The following WNT7B variants were observed in gnomAD, a reference collection of about 807,000 sequenced individuals.
WNT7B encodes the protein protein Wnt-7b.
Under a neutral mutation model 38.2 loss-of-function variants are expected in WNT7B, and 19 were observed. The ratio of observed to expected loss-of-function variants is 0.50; its 90% confidence interval spans 0.35 to 0.73. WNT7B has a LOEUF of 0.73. Among genes scored for constraint, WNT7B ranks in the 30% least tolerant of loss-of-function variants. The pLI is 0.01. For missense variants in WNT7B, 423 were observed against 507.9 expected (o/e 0.83, Z 1.61); for synonymous variants, 243 against 209.3 (o/e 1.16, Z -1.39).
At chr22:45,971,493 C>A (rs1229254125) in intron 1 of WNT7B, among the ~76,000 whole-genome samples, 1 of 152,184 alleles carries the variant, frequency 6.6e-6, no homozygotes, top group African/African-American at 2.4e-5. Context: ...GGCACACACA[C>A]GCGCGCCCAC....
chr22:45,967,470 G>A (rs1932338263), intron 1 of WNT7B, among the ~76,000 whole-genome samples: 1 of 28,134 alleles, frequency 3.6e-5, no homozygotes, highest in Non-Finnish European at 7.4e-5. Context: ...CACTGCATGT[G>A]GCCCCTTCCA....
intron 3 of WNT7B, among the ~76,000 whole-genome samples, chr22:45,930,800 T>A (rs1287119524): frequency 6.6e-6 from 1 of 151,474 alleles, no homozygotes; most frequent in Non-Finnish European, 1.5e-5. Flanking sequence ...CGCCACGGGG[T>A]CCCCAGCCAA....
chr22:45,925,412 G>A, intron 3 of WNT7B: 2 of 985,374 alleles, frequency 2.0e-6, no homozygotes, highest in Non-Finnish European at 2.4e-6. Flanking sequence ...TCCCTCCCAG[G>A]ATGGCAGAGG....
At chr22:45,926,633 G>A (rs113533954) in intron 3 of WNT7B, 40 of 985,338 alleles carry the variant, frequency 4.1e-5, no homozygotes, top group East Asian at 1.1e-4. Context: ...CATGGCCTGC[G>A]GCTGTGGAAT....
rs531140662 is a variant in WNT7B at position 45,935,946 on chromosome 22, C to CG, written c.299-4578dup. The CG allele has an allele frequency of 1.2e-4, 116 of 985,282 alleles. 2 individuals carry two copies. The South Asian group carries it at 3.8e-3, about 32-fold the overall frequency. 61.0% of individuals were successfully genotyped at this position (985,282 alleles called of 1,614,324 possible). A position where few individuals can be genotyped will look rare whatever the true frequency, so the allele number is the denominator to read the frequency against. ...CTGTCCTGCTGGTACACTTGGGTCT[C>CG]GGGGGGCCTAGGGGCCTCTCTGAAG... is the stretch of plus-strand genomic sequence containing the variant. On this transcript the variant is annotated intron_variant, in intron 2 of 3. Coordinates refer to ENST00000339464, the MANE Select transcript of WNT7B (RefSeq NM_058238.3).
chr22:45,927,001 G>A, intron 3 of WNT7B: 1 of 985,456 alleles, frequency 1.0e-6, no homozygotes, highest in Admixed American at 6.1e-5. Context: ...TCCAGGAGCT[G>A]GTGGAACTCC....
In WNT7B at chr22:45,934,191, G is replaced by A. The variant is rs141944794; in HGVS notation, c.299-2822C>T. On this transcript the variant is annotated intron_variant, in intron 2 of 3. Transcript: ENST00000339464. The stretch of plus-strand genomic sequence containing the variant: ...TTCAAACCCAGGGAATGAATTCAAA[G>A]ACCAGGAAGGCTGACGGAGGAGCAA... Among the ~76,000 whole-genome samples, 638 of 152,334 alleles carry A rather than the reference G, an allele frequency of 4.2e-3. 4 individuals are homozygous for A. The highest frequency in any genetic ancestry group is 3.9e-3 in the Non-Finnish European group (265 of 68,024).
intron 2 of WNT7B, among the ~76,000 whole-genome samples, chr22:45,946,657 T>A (rs1931804032): frequency 6.6e-6 from 1 of 152,138 alleles, no homozygotes; most frequent in Non-Finnish European, 1.5e-5. Flanking sequence ...GGGGGCCTAG[T>A]GTGAGCCTTG....
At chr22:45,952,507 A>T (rs1931957251) in intron 1 of WNT7B, among the ~76,000 whole-genome samples, 2 of 152,344 alleles carry the variant, frequency 1.3e-5, no homozygotes, top group Non-Finnish European at 2.9e-5. Flanking sequence ...GCCCAAAGTA[A>T]TTGTAGATCC....
chr22:45,935,171 C>CA (rs1355795888), intron 2 of WNT7B, among the ~76,000 whole-genome samples: 2 of 152,218 alleles, frequency 1.3e-5, no homozygotes, highest in East Asian at 3.9e-4. Context: ...ATCCTTCCTC[C>CA]AGGCTGACAG....
chr22:45,950,193 C>A (rs1405595750), intron 1 of WNT7B, 47 bp from the exon 2 acceptor site: 2 of 1,499,016 alleles, frequency 1.3e-6, no homozygotes, highest in Non-Finnish European at 1.8e-6. Context: ...GCGGCCAGCG[C>A]CCCTCCTCAC....
At chr22:45,954,835 C>A in intron 1 of WNT7B, 6 of 856,786 alleles carry the variant, frequency 7.0e-6, no homozygotes, top group Non-Finnish European at 7.0e-6. Context: ...TCAGACCTCA[C>A]CTATGTATCA....
intron 3 of WNT7B, among the ~76,000 whole-genome samples, chr22:45,929,461 C>G (rs1486565441): frequency 1.5e-5 from 2 of 131,182 alleles, no homozygotes; most frequent in Admixed American, 1.6e-4. Flanking sequence ...TTGATTCGTC[C>G]ATCTACTTAT....
rs906101258 is a variant in WNT7B, at chr22:45,951,716, C to T, written c.72-1570G>A. The stretch of plus-strand genomic sequence containing the variant: ...TCATCCACGTGGTCACAGGTCAGTG[C>T]TTCATGCGTTTGTAAGGCTGAGTGA... On this transcript the variant is annotated intron_variant, in intron 1 of 3. Coordinates refer to ENST00000339464, the MANE Select transcript of WNT7B (RefSeq NM_058238.3). The surrounding 1 kb of genome is among the most constrained non-coding windows in gnomAD (Gnocchi z 4.8). Among the ~76,000 whole-genome samples the T allele has an allele frequency of 3.3e-5, 5 of 152,134 alleles. No homozygotes were observed. Among genetic ancestry groups the T allele is most frequent in the Non-Finnish European group, 7.4e-5 (5 of 68,018 alleles).
chr22:45,968,239 T>C lies in WNT7B; in HGVS notation c.71+8445A>G, dbSNP rs184585352. On this transcript the variant is annotated intron_variant, in intron 1 of 3. Coordinates refer to ENST00000339464, the MANE Select transcript of WNT7B (RefSeq NM_058238.3). ...CTCTGGGAAGCCCTCTGAGATGCCC[T>C]AGGGGGTCCACCACTCCTTCCTGAA... 9.1e-3 allele frequency among the ~76,000 whole-genome samples: 1,384 copies of C among 152,088 alleles called. 30 individuals are homozygous for C. Among genetic ancestry groups the C allele is most frequent in the South Asian group, 0.031 (148 of 4,824 alleles).
intron 2 of WNT7B, among the ~76,000 whole-genome samples, chr22:45,935,399 C>T (rs1477858748): frequency 2.0e-5 from 3 of 152,232 alleles, no homozygotes; most frequent in Non-Finnish European, 4.4e-5. Context: ...TGGGCAGCCA[C>T]CTCTGGTGCA....
intron 1 of WNT7B, among the ~76,000 whole-genome samples, chr22:45,957,476 G>A (rs1932093271): frequency 6.6e-6 from 1 of 151,912 alleles, no homozygotes; most frequent in Non-Finnish European, 1.5e-5. Flanking sequence ...CTAAGGTCAG[G>A]AGTTTGAGAC....
chr22:45,942,592 G>A (rs547176151), intron 2 of WNT7B, among the ~76,000 whole-genome samples: 2 of 152,212 alleles, frequency 1.3e-5, no homozygotes, highest in African/African-American at 2.4e-5. Flanking sequence ...TGGACCAGCC[G>A]GGGCCAAGGT....
intron 3 of WNT7B, among the ~76,000 whole-genome samples, chr22:45,927,896 A>C (rs113591777): frequency 0.014 from 2,073 of 152,254 alleles, 51 homozygotes; most frequent in African/African-American, 0.047. Flanking sequence ...ACTCCATCTC[A>C]AAACAAAGAG....
Sources: allele counts gnomAD v4.1 joint callset (sites outside exome capture counted in the v4.1 genomes callset), GRCh38; gene constraint gnomAD v4.1.1; non-coding constraint Gnocchi (gnomAD v3.1); transcripts MANE v1.5; gene names NCBI Gene and HGNC (gene_info 2026-07-23, HGNC 2026-07-21).